POC5: variants seen among roughly 807,000 people sequenced by gnomAD.
POC5 encodes the protein centrosomal protein POC5.
POC5 carries 48 observed loss-of-function variants against 62.9 expected under a neutral mutation model. That is an observed-to-expected ratio of 0.76 (90% confidence interval 0.61 to 0.97). POC5 has a LOEUF of 0.97. POC5 is among the 50% of genes least tolerant of loss of function. POC5 has a pLI of 0.00. For synonymous variants in POC5, 236 were observed against 228.2 expected (o/e 1.03, Z -0.31); for missense variants, 696 against 679.5 (o/e 1.02, Z -0.27).
intron 9 of POC5, among the ~76,000 whole-genome samples, chr5:75,688,789 T>A (rs996630970): frequency 1.3e-5 from 2 of 152,108 alleles, no homozygotes; most frequent in African/African-American, 4.8e-5. Context: ...TACTTAGGAG[T>A]GACAGTGTAC....
chr5:75,687,265 C>T (rs1295956643), intron 9 of POC5, among the ~76,000 whole-genome samples: 2 of 152,074 alleles, frequency 1.3e-5, no homozygotes, highest in Non-Finnish European at 2.9e-5. Context: ...CTCCTGACCT[C>T]GTGATCCACT....
chr5:75,695,232 T>C (rs1400837011), intron 5 of POC5, among the ~76,000 whole-genome samples: 1 of 152,218 alleles, frequency 6.6e-6, no homozygotes, highest in Non-Finnish European at 1.5e-5. Flanking sequence ...AAATGGGTGA[T>C]AGTGGAAAGA....
intron 2 of POC5, 105 bp downstream of exon 2, chr5:75,712,748 CT>C: frequency 2.3e-6 from 2 of 887,844 alleles, no homozygotes; most frequent in Non-Finnish European, 3.5e-6. Context: ...AATTGAAAAA[CT>C]CCCTTGTAAA....
chr5:75,704,037 C>T (rs1036015944), intron 4 of POC5, among the ~76,000 whole-genome samples: 4 of 151,818 alleles, frequency 2.6e-5, no homozygotes, highest in Non-Finnish European at 5.9e-5. Flanking sequence ...TGCCTATAGT[C>T]CCAGCTACTT....
chr5:75,679,225 G>T (rs1426562720), intron 10 of POC5, among the ~76,000 whole-genome samples: 2 of 152,044 alleles, frequency 1.3e-5, no homozygotes, highest in Non-Finnish European at 2.9e-5. Context: ...ACCAGCTTTG[G>T]ACAGCTGAGG....
Position 75,691,624 on chromosome 5 carries a change from A to T in POC5, c.795+772T>A, listed in dbSNP as rs186671836. Reference sequence around the variant, plus strand: ...TTTGGATAAGGGATACTCAACCTGTACTAGCTTTTTCCTTAAATACTAATC... The same window carrying T: ...TTTGGATAAGGGATACTCAACCTGTTCTAGCTTTTTCCTTAAATACTAATC... On this transcript the variant is annotated intron_variant, in intron 7 of 11. Transcript: ENST00000428202. Among the ~76,000 whole-genome samples, 5 of 152,308 alleles carry T rather than the reference A, an allele frequency of 3.3e-5. No individual in the cohort carries two copies. In the East Asian group the frequency reaches 9.6e-4, roughly 29 times the overall value.
chr5:75,683,432 A>C (rs935044332), intron 10 of POC5, among the ~76,000 whole-genome samples: 1 of 151,760 alleles, frequency 6.6e-6, no homozygotes, highest in Non-Finnish European at 1.5e-5. Flanking sequence ...ACAGGATTTC[A>C]CCATCTTGGC....
chr5:75,685,532 A>G (rs1377055971), intron 9 of POC5, 48 bp from the exon 10 acceptor site: 1 of 1,544,462 alleles, frequency 6.5e-7, no homozygotes, highest in Admixed American at 1.8e-5. Flanking sequence ...GGTTAGGACT[A>G]CTATTATCTT....
chr5:75,717,244 C>T (rs563767326), intron 1 of POC5, 62 bp downstream of exon 1: 2 of 152,402 alleles, frequency 1.3e-5, no homozygotes, highest in South Asian at 4.1e-4. Context: ...CTTTAAATCT[C>T]CCTCCACTAC....
At chr5:75,699,311 A>G (rs1015149343) in intron 5 of POC5, among the ~76,000 whole-genome samples, 28 of 152,028 alleles carry the variant, frequency 1.8e-4, no homozygotes, top group Non-Finnish European at 1.5e-5. Flanking sequence ...TTGATGCAAA[A>G]ATCCTCAACA....
intron 3 of POC5, 59 bp from the exon 4 acceptor site, chr5:75,705,846 T>A: frequency 1.9e-6 from 2 of 1,054,604 alleles, no homozygotes; most frequent in Non-Finnish European, 1.4e-6. Context: ...AAATGTCTAA[T>A]CACACATAAT....
At position 75,677,855 on chromosome 5, in the gene POC5, T is replaced by C; in HGVS notation, c.1503A>G (p.Arg501=). Residue 501 remains arginine (R), a synonymous_variant, in exon 11 of 12, where the codon AGA becomes AGG. Transcript: ENST00000428202. The part of the protein sequence containing the change: ...TGRCDFASKN[R]ISSSLAIMGV... ...CCATTATAGCTAAACTGCTGCTAAT[T>C]CTATTTTTTGAAGCAAAATCACATC... is the stretch of plus-strand genomic sequence containing the variant. 1 of 1,612,484 alleles carries C rather than the reference T, an allele frequency of 6.2e-7. No individual in the cohort carries two copies. Among genetic ancestry groups the C allele is most frequent in the Non-Finnish European group, 8.5e-7 (1 of 1,179,164 alleles).
At chr5:75,710,993 A>G (rs1483436586) in intron 2 of POC5, among the ~76,000 whole-genome samples, 1 of 152,246 alleles carries the variant, frequency 6.6e-6, no homozygotes, top group Non-Finnish European at 1.5e-5. Context: ...ACATATTCAT[A>G]TATTTCATAT....
chr5:75,683,184 T>G (rs902431003), intron 10 of POC5, among the ~76,000 whole-genome samples: 1 of 146,998 alleles, frequency 6.8e-6, no homozygotes, highest in African/African-American at 2.5e-5. Context: ...TTTATAAAAC[T>G]ATACATGCCT....
chr5:75,683,005 C>A (rs1175102308), intron 10 of POC5, among the ~76,000 whole-genome samples: 6 of 152,178 alleles, frequency 3.9e-5, no homozygotes, highest in African/African-American at 1.4e-4. Flanking sequence ...TTGTCTGTCT[C>A]AATACCTCCT....
At position 75,712,244 on chromosome 5, in the gene POC5, A is replaced by G. The variant is rs572944396; in HGVS notation, c.84+610T>C. ...AATACAACTGTAAAATTTAAGATATACCATGTCATTATTCTCATATTTAAA... is the reference window on the plus strand; with the variant it reads ...AATACAACTGTAAAATTTAAGATATGCCATGTCATTATTCTCATATTTAAA... On this transcript the variant is annotated intron_variant, in intron 2 of 11. Coordinates refer to ENST00000428202, the MANE Select transcript of POC5 (RefSeq NM_001099271.2). The G allele has an allele frequency of 2.1e-4, 243 of 1,158,142 alleles. No homozygotes were observed. In the African/African-American group the frequency reaches 3.2e-3, roughly 15 times the overall value. The allele number at this position is 1,158,142 out of a possible 1,614,324, so 71.7% of individuals were successfully genotyped here.
intron 5 of POC5, among the ~76,000 whole-genome samples, chr5:75,696,654 TCTC>T (rs1188452195): frequency 2.0e-5 from 3 of 152,110 alleles, no homozygotes; most frequent in African/African-American, 7.2e-5. Flanking sequence ...GCAGAGCGAC[TCTC>T]CTCCTCCAAA....
chr5:75,711,041 A>G (rs896359185), intron 2 of POC5, among the ~76,000 whole-genome samples: 1 of 152,388 alleles, frequency 6.6e-6, no homozygotes, highest in South Asian at 2.1e-4. Context: ...GGGGAAATAA[A>G]TAAGTATATG....
intron 5 of POC5, among the ~76,000 whole-genome samples, chr5:75,699,808 T>C (rs1776787056): frequency 7.3e-6 from 1 of 137,856 alleles, no homozygotes; most frequent in Non-Finnish European, 1.6e-5. Context: ...TGATTGTATA[T>C]CTAGAAAACC....
Sources: allele counts gnomAD v4.1 joint callset (sites outside exome capture counted in the v4.1 genomes callset), GRCh38; gene constraint gnomAD v4.1.1; transcripts MANE v1.5; gene names NCBI Gene and HGNC (gene_info 2026-07-23, HGNC 2026-07-21).